Variants in GFI1B observed in about 807,000 individuals in gnomAD.
The protein encoded by GFI1B is growth factor independent 1B transcriptional repressor.
GFI1B carries 20 observed loss-of-function variants against 35.3 expected under a neutral mutation model. The observed-to-expected ratio is 0.57, with a 90% CI of 0.40 to 0.82. The LOEUF (loss-of-function observed/expected upper bound fraction) is 0.82. Ranked by LOEUF, GFI1B falls within the 40% of genes least tolerant of loss-of-function variation. GFI1B has a pLI of 0.00. For synonymous variants in GFI1B, 178 were observed against 177.6 expected, an observed-to-expected ratio of 1.00 and a Z score of -0.02; for missense variants, 430 against 446.3, an observed-to-expected ratio of 0.96 and a Z score of 0.33.
chr9:132,985,051 A>C (rs1462069815), intron 1 of GFI1B, among the ~76,000 whole-genome samples: 1 of 141,210 alleles, frequency 7.1e-6, no homozygotes, highest in Non-Finnish European at 1.6e-5. Flanking sequence ...GCAGCCTTGC[A>C]TGGCGGCTGG....
intron 1 of GFI1B, among the ~76,000 whole-genome samples, chr9:132,979,207 G>C (rs1051876921): frequency 2.7e-5 from 4 of 148,778 alleles, no homozygotes; most frequent in African/African-American, 9.9e-5. Context: ...CTCGGAGACA[G>C]TCCCAGACTT....
intron 1 of GFI1B, among the ~76,000 whole-genome samples, chr9:132,957,523 T>G (rs1848299605): frequency 6.6e-6 from 1 of 152,156 alleles, no homozygotes; most frequent in Non-Finnish European, 1.5e-5. Context: ...ATGGGGGAAC[T>G]CAGTAGTGAA....
At chr9:132,962,929 A>AT in intron 1 of GFI1B, among the ~76,000 whole-genome samples, 1 of 149,708 alleles carries the variant, frequency 6.7e-6, no homozygotes, top group East Asian at 2.0e-4. Context: ...AAAAAAAAAA[A>AT]AAAATAGCCA....
chr9:132,977,097 A>C (rs938368812), upstream of GFI1B, among the ~76,000 whole-genome samples: 3 of 152,198 alleles, frequency 2.0e-5, no homozygotes, highest in Admixed American at 2.0e-4. Context: ...GGCTGAGATT[A>C]CAGGCATGTG....
chr9:132,983,087 G>T, intron 1 of GFI1B, among the ~76,000 whole-genome samples: 1 of 151,966 alleles, frequency 6.6e-6, no homozygotes, highest in East Asian at 1.9e-4. Context: ...CTGAAGGGAA[G>T]TCTGTCCCTG....
chr9:132,953,296 CTT>C (rs1848230273), intron 1 of GFI1B: 1 of 152,204 alleles, frequency 6.6e-6, no homozygotes, highest in Non-Finnish European at 1.5e-5. Flanking sequence ...GAATCTTTAA[CTT>C]ATCACCATCT....
chr9:132,945,772 A>G (rs758904820), intron 1 of GFI1B: 3 of 154,100 alleles, frequency 1.9e-5, no homozygotes, highest in Non-Finnish European at 4.4e-5. Flanking sequence ...CATCAACCTA[A>G]TAGAACCAGG....
chr9:132,973,552 C>T (rs967727379), intron 2 of GFI1B, among the ~76,000 whole-genome samples: 9 of 152,110 alleles, frequency 5.9e-5, no homozygotes, highest in African/African-American at 2.2e-4. Flanking sequence ...ATCCAAGGGT[C>T]GTCACGGGTG....
At chr9:132,959,654 G>A (rs1022180953) in intron 1 of GFI1B, among the ~76,000 whole-genome samples, 2 of 152,282 alleles carry the variant, frequency 1.3e-5, no homozygotes, top group East Asian at 1.9e-4. Context: ...CACAATTCTC[G>A]AGGCCAAAAG....
At chr9:132,969,510 C>T (rs1257891241) in intron 1 of GFI1B, among the ~76,000 whole-genome samples, 2 of 152,226 alleles carry the variant, frequency 1.3e-5, no homozygotes, top group African/African-American at 4.8e-5. Context: ...TATGGACCAA[C>T]TACATTCCAT....
At chr9:132,990,784 A>G in intron 6 of GFI1B, 88 bp from the exon 7 acceptor site, 1 of 1,213,496 alleles carries the variant, frequency 8.2e-7, no homozygotes, top group Non-Finnish European at 1.2e-6. Context: ...GTATTGGAAA[A>G]TGAACCCGGG....
At chr9:132,963,974 C>T (rs1392200867) in intron 1 of GFI1B, among the ~76,000 whole-genome samples, 2 of 152,180 alleles carry the variant, frequency 1.3e-5, no homozygotes, top group Non-Finnish European at 2.9e-5. Context: ...GCATGGGTGG[C>T]TCACACCTGT....
chr9:132,983,024 C>G (rs1043237275), intron 1 of GFI1B, among the ~76,000 whole-genome samples: 1 of 152,050 alleles, frequency 6.6e-6, no homozygotes, highest in African/African-American at 2.4e-5. Flanking sequence ...GGGTTAGAGT[C>G]AGTTGACCTG....
At chr9:132,948,985 G>A (rs1275293214) in intron 1 of GFI1B, among the ~76,000 whole-genome samples, 1 of 150,562 alleles carries the variant, frequency 6.6e-6, no homozygotes, top group Admixed American at 6.6e-5. Context: ...TGGCCTGGCC[G>A]TGAGGCACAG....
intron 2 of GFI1B, among the ~76,000 whole-genome samples, 166 bp from the exon 3 acceptor site, chr9:132,987,116 G>A (rs1849096795): frequency 6.6e-6 from 1 of 152,190 alleles, no homozygotes; most frequent in African/African-American, 2.4e-5. Flanking sequence ...GCCTCTTCTT[G>A]CCGCCGCCTG....
At chr9:132,974,369 A>G (rs1007590812), upstream of GFI1B, among the ~76,000 whole-genome samples, 1 of 152,082 alleles carries the variant, frequency 6.6e-6, no homozygotes, top group African/African-American at 2.4e-5. Flanking sequence ...AGGCCGAGGC[A>G]GGCAAGGATC....
At chr9:132,974,429 A>C (rs7875628), upstream of GFI1B, among the ~76,000 whole-genome samples, 76,658 of 151,326 alleles carry the variant, frequency 0.51, 19,579 homozygotes, top group Middle Eastern at 0.61. Context: ...GTGAAACTCT[A>C]TCTCTACTAA....
At chr9:132,981,376 T>C (rs1190692626) in intron 1 of GFI1B, among the ~76,000 whole-genome samples, 1 of 152,234 alleles carries the variant, frequency 6.6e-6, no homozygotes, top group Admixed American at 6.5e-5. Flanking sequence ...CATTGCATTC[T>C]CTGAGCTTTG....
intron 1 of GFI1B, among the ~76,000 whole-genome samples, chr9:132,954,565 ACT>A (rs1179335180): frequency 6.9e-6 from 1 of 144,878 alleles, no homozygotes; most frequent in African/African-American, 2.5e-5. Flanking sequence ...GCAGAGTAAG[ACT>A]CTGTCTCAAA....
Sources: gnomAD v4.1 joint callset for allele counts (sites outside exome capture counted in the v4.1 genomes callset) on GRCh38, gnomAD v4.1.1 for gene constraint, MANE v1.5 for transcripts, NCBI Gene and HGNC (gene_info 2026-07-23, HGNC 2026-07-21) for gene names.